MGA: variants seen among roughly 807,000 people sequenced by gnomAD.
MGA encodes MAX gene-associated protein.
Under a neutral mutation model 261.1 loss-of-function variants are expected in MGA, and 40 were observed. The ratio of observed to expected loss-of-function variants is 0.15; its 90% CI spans 0.12 to 0.20. The LOEUF is 0.20. Among genes scored for constraint, MGA ranks in the 10% least tolerant of loss-of-function variants. The probability of loss-of-function intolerance (pLI) is 1.00; values close to 1 mark genes in which losing one functional copy is unlikely to be tolerated. For synonymous variants in MGA, 1,302 were observed against 1,290.6 expected (o/e 1.01, Z -0.19); for missense variants, 3,397 against 3,630.5 (o/e 0.94, Z 1.65).
intron 2 of MGA, among the ~76,000 whole-genome samples, chr15:41,673,883 A>G (rs1054171339): frequency 6.6e-6 from 1 of 151,708 alleles, no homozygotes. Flanking sequence ...CTCTTCTCCC[A>G]TCTAATACTG....
chr15:41,670,042 A>C, intron 2 of MGA, 84 bp downstream of exon 2: 2 of 1,081,282 alleles, frequency 1.8e-6, no homozygotes, highest in Non-Finnish European at 2.6e-6. Flanking sequence ...GGTTCTGTGG[A>C]ATGCTACAGA....
intron 9 of MGA, among the ~76,000 whole-genome samples, chr15:41,713,811 C>G (rs1284157012): frequency 3.9e-5 from 6 of 152,196 alleles, no homozygotes; most frequent in African/African-American, 1.4e-4. Context: ...CACACACACA[C>G]AGGTAGACAC....
At chr15:41,732,993 C>T (rs984428188) in intron 11 of MGA, among the ~76,000 whole-genome samples, 2 of 152,174 alleles carry the variant, frequency 1.3e-5, no homozygotes, top group African/African-American at 4.8e-5. Flanking sequence ...GAGTCTCGCT[C>T]AGCCACCCAG....
At chr15:41,668,391 AACTTT>A (rs1288994536) in intron 1 of MGA, among the ~76,000 whole-genome samples, 4 of 152,264 alleles carry the variant, frequency 2.6e-5, no homozygotes, top group African/African-American at 7.2e-5. Flanking sequence ...ATGAAAATGG[AACTTT>A]ACTTATTTAA....
upstream of MGA, among the ~76,000 whole-genome samples, chr15:41,655,938 T>A (rs1164127579): frequency 3.9e-5 from 6 of 152,200 alleles, no homozygotes; most frequent in Non-Finnish European, 8.8e-5. Flanking sequence ...GAGACTTGCC[T>A]AAAAAATGAG....
At chr15:41,705,405 TG>T (rs2060056357) in intron 5 of MGA, among the ~76,000 whole-genome samples, 1 of 152,078 alleles carries the variant, frequency 6.6e-6, no homozygotes, top group African/African-American at 2.4e-5. Context: ...TTGCCTAGGC[TG>T]GATGGAATGC....
chr15:41,657,890 T>C (rs1297950786), upstream of MGA, among the ~76,000 whole-genome samples: 2 of 152,130 alleles, frequency 1.3e-5, no homozygotes, highest in Non-Finnish European at 2.9e-5. Context: ...TCTGAATAGA[T>C]TGGATGAGGA....
At chr15:41,762,981 C>T (rs1049216700) in intron 22 of MGA, among the ~76,000 whole-genome samples, 1 of 151,834 alleles carries the variant, frequency 6.6e-6, no homozygotes, top group Non-Finnish European at 1.5e-5. Flanking sequence ...TTCGTGATTT[C>T]CCTGCAGTTC....
chr15:41,720,442 T>A (rs546017984), intron 9 of MGA, among the ~76,000 whole-genome samples: 2 of 152,046 alleles, frequency 1.3e-5, no homozygotes, highest in East Asian at 3.9e-4. Context: ...TGCAGTAGGC[T>A]GAGGCAAAAG....
In MGA at chr15:41,769,755, A is replaced by C. The variant is rs981011107; in HGVS notation, c.*2475A>C. 6.6e-6 allele frequency: 1 copy of C among 152,642 alleles called. No individual in the cohort carries two copies. Among genetic ancestry groups the C allele is most frequent in the African/African-American group, 2.4e-5 (1 of 41,454 alleles). The allele number at this position is 152,642 out of a possible 1,614,324, so 9.5% of individuals were successfully genotyped here. On this transcript the variant is annotated 3_prime_UTR_variant, in exon 24 of 24. Transcript: ENST00000219905. ...TCACCTTTTTATACATCTGTAAATA[A>C]ATGGAATGTTTTTAAGAATATAATT...
intron 2 of MGA, among the ~76,000 whole-genome samples, chr15:41,688,453 T>C (rs2059086346): frequency 6.6e-6 from 1 of 152,238 alleles, no homozygotes; most frequent in African/African-American, 2.4e-5. Context: ...GCATGGTTTA[T>C]CTTTTTCCCT....
intron 13 of MGA, among the ~76,000 whole-genome samples, chr15:41,739,664 C>T (rs1008772105): frequency 5.3e-5 from 8 of 152,004 alleles, no homozygotes; most frequent in Non-Finnish European, 7.4e-5. Context: ...GATGAGTTTC[C>T]GATTCTCTAT....
chr15:41,766,230 G>A lies in MGA; in HGVS notation c.8148G>A (p.Thr2716=), dbSNP rs763266520. Residue 2716 remains threonine, a synonymous_variant, in exon 24 of 24, where the codon ACG becomes ACA. Coordinates refer to ENST00000219905, the MANE Select transcript of MGA (RefSeq NM_001164273.2). ...ATGGCAGAGTGACGTTGGGTCCAACGCAGGTTTTTCTGGCAAACAAAGATT... is the reference window on the plus strand; with the variant it reads ...ATGGCAGAGTGACGTTGGGTCCAACACAGGTTTTTCTGGCAAACAAAGATT... 20 of 1,613,818 alleles carry A rather than the reference G, an allele frequency of 1.2e-5. No individual in the cohort carries two copies. Among genetic ancestry groups the A allele is most frequent in the Middle Eastern group, 1.6e-4 (1 of 6,084 alleles).
intron 2 of MGA, among the ~76,000 whole-genome samples, chr15:41,673,112 T>C (rs748319982): frequency 6.6e-6 from 1 of 152,206 alleles, no homozygotes. Flanking sequence ...TTTCCCTTCT[T>C]TCAGTTATTC....
chr15:41,707,180 A>G (rs1469612799), intron 5 of MGA, among the ~76,000 whole-genome samples: 1 of 152,122 alleles, frequency 6.6e-6, no homozygotes, highest in Non-Finnish European at 1.5e-5. Context: ...AATTATCACA[A>G]ACTTAGCAAC....
At chr15:41,751,251 T>G (rs1175637972) in intron 17 of MGA, 1 of 152,240 alleles carries the variant, frequency 6.6e-6, no homozygotes, top group Non-Finnish European at 1.5e-5. Flanking sequence ...TATTTAGGGT[T>G]GTTGTATTTA....
At chr15:41,626,569 T>C (rs1290588387) in intron 1 of MGA, among the ~76,000 whole-genome samples, 3 of 151,648 alleles carry the variant, frequency 2.0e-5, no homozygotes, top group Non-Finnish European at 2.9e-5. Context: ...ATTACAGGCA[T>C]GCGCCATCAC....
chr15:41,739,010 C>G (rs1192802819), intron 13 of MGA, among the ~76,000 whole-genome samples: 1 of 152,082 alleles, frequency 6.6e-6, no homozygotes, highest in Non-Finnish European at 1.5e-5. Context: ...TCTCCCCCAA[C>G]CCCCGATTTT....
At chr15:41,675,917 C>A (rs1346858734) in intron 2 of MGA, among the ~76,000 whole-genome samples, 1 of 152,132 alleles carries the variant, frequency 6.6e-6, no homozygotes, top group Non-Finnish European at 1.5e-5. Context: ...AACAGAATAC[C>A]TTTTAGTTTC....
Sources: allele counts gnomAD v4.1 joint callset (sites outside exome capture counted in the v4.1 genomes callset), GRCh38; gene constraint gnomAD v4.1.1; transcripts MANE v1.5; gene names NCBI Gene and HGNC (gene_info 2026-07-23, HGNC 2026-07-21).